GPATCH2: variants seen among roughly 807,000 people sequenced by gnomAD.
GPATCH2 encodes the protein G patch domain-containing protein 2.
GPATCH2 carries 51 observed loss-of-function variants against 58.0 expected under a neutral mutation model. The observed-to-expected ratio is 0.88, with a 90% CI of 0.70 to 1.11. GPATCH2 has a LOEUF of 1.11. Among genes scored for constraint, GPATCH2 ranks in the 50% most tolerant of loss-of-function variants. The probability of loss-of-function intolerance (pLI) is 0.00; values close to 1 mark genes in which losing one functional copy is unlikely to be tolerated. For synonymous variants in GPATCH2, 222 were observed against 218.5 expected, an observed-to-expected ratio of 1.02 and a Z score of -0.14; for missense variants, 625 against 652.2, an observed-to-expected ratio of 0.96 and a Z score of 0.45.
chr1:217,503,422 G>C (rs774878104), intron 6 of GPATCH2, among the ~76,000 whole-genome samples: 7 of 151,930 alleles, frequency 4.6e-5, no homozygotes, highest in Non-Finnish European at 1.0e-4. Flanking sequence ...TTAAAGGGGA[G>C]GTTACAAAAT....
At chr1:217,458,197 T>C (rs371369276) in intron 8 of GPATCH2, among the ~76,000 whole-genome samples, 132 of 152,254 alleles carry the variant, frequency 8.7e-4, no homozygotes, top group African/African-American at 3.1e-3. Context: ...GCCACTGCAC[T>C]CCTGCTTGGG....
rs1659531758 is a variant in GPATCH2 at position 217,449,067 on chromosome 1, TG to T, written c.1366+181del. Among the ~76,000 whole-genome samples, 6 of 103,348 alleles carry T rather than the reference TG, an allele frequency of 5.8e-5. No homozygotes were observed. In the South Asian group the frequency reaches 1.8e-3, roughly 30 times the overall value. The allele number at this position is 103,348 out of a possible 152,430, so 67.8% of individuals were successfully genotyped here. On this transcript the variant is annotated intron_variant, in intron 9 of 9. Coordinates refer to ENST00000366935, the MANE Select transcript of GPATCH2 (RefSeq NM_018040.5). ...CAGGGATGTAACATATACGTTAACC[TG>T]GAAGATCTACACATGGAACATGTAA... is the stretch of plus-strand genomic sequence containing the variant.
chr1:217,610,178 G>C (rs1216805363), intron 5 of GPATCH2, 143 bp downstream of exon 5: 6 of 1,582,754 alleles, frequency 3.8e-6, no homozygotes, highest in African/African-American at 1.4e-5. Flanking sequence ...GAATCTCACT[G>C]GTCCAGTTTG....
At chr1:217,568,663 G>A (rs960450582) in intron 5 of GPATCH2, among the ~76,000 whole-genome samples, 1 of 152,202 alleles carries the variant, frequency 6.6e-6, no homozygotes, top group Non-Finnish European at 1.5e-5. Flanking sequence ...AGTGTTGCTA[G>A]ACAGAAATGA....
intron 5 of GPATCH2, among the ~76,000 whole-genome samples, chr1:217,516,184 G>C (rs1663139307): frequency 6.6e-6 from 1 of 150,766 alleles, no homozygotes; most frequent in Non-Finnish European, 1.5e-5. Context: ...AAATGACAAG[G>C]CATACATTTA....
chr1:217,565,063 G>C (rs145633435), intron 5 of GPATCH2, among the ~76,000 whole-genome samples: 1 of 152,104 alleles, frequency 6.6e-6, no homozygotes, highest in Non-Finnish European at 1.5e-5. Flanking sequence ...TGAATAGGCT[G>C]ATCAACAAAT....
At chr1:217,504,154 T>C (rs1662436806) in intron 6 of GPATCH2, among the ~76,000 whole-genome samples, 1 of 152,012 alleles carries the variant, frequency 6.6e-6, no homozygotes, top group Non-Finnish European at 1.5e-5. Context: ...TAAGGAAAGG[T>C]AGATGGTAGT....
intron 5 of GPATCH2, among the ~76,000 whole-genome samples, chr1:217,593,006 T>A (rs1035644512): frequency 6.6e-6 from 1 of 151,998 alleles, no homozygotes; most frequent in Admixed American, 6.6e-5. Context: ...TTTATGAATC[T>A]GGCCCTTACT....
intron 7 of GPATCH2, chr1:217,498,145 CAG>C: frequency 3.1e-6 from 2 of 640,976 alleles, no homozygotes; most frequent in Non-Finnish European, 5.6e-6. Context: ...TGACTGAAGA[CAG>C]TGGCAGTAAA....
chr1:217,603,034 A>G (rs549578594), intron 5 of GPATCH2, among the ~76,000 whole-genome samples: 1 of 152,288 alleles, frequency 6.6e-6, no homozygotes, highest in East Asian at 1.9e-4. Flanking sequence ...ACATTAATGT[A>G]TATTATAGAT....
chr1:217,506,938 T>C (rs1251474445), intron 6 of GPATCH2, among the ~76,000 whole-genome samples: 1 of 152,220 alleles, frequency 6.6e-6, no homozygotes, highest in African/African-American at 2.4e-5. Context: ...CAAGTTCTTC[T>C]TTAGAGTACT....
chr1:217,613,992 A>T (rs937398660), intron 3 of GPATCH2, 149 bp downstream of exon 3: 16 of 553,904 alleles, frequency 2.9e-5, no homozygotes, highest in Admixed American at 6.2e-5. Flanking sequence ...GCATATAAAA[A>T]ACCAGCTACG....
chr1:217,584,152 T>A (rs1228377939), intron 5 of GPATCH2, among the ~76,000 whole-genome samples: 1 of 151,424 alleles, frequency 6.6e-6, no homozygotes, highest in Non-Finnish European at 1.5e-5. Flanking sequence ...TTGACAAAAC[T>A]AAAAGACTGG....
At chr1:217,564,702 A>G (rs1256849843) in intron 5 of GPATCH2, among the ~76,000 whole-genome samples, 1 of 152,228 alleles carries the variant, frequency 6.6e-6, no homozygotes, top group Non-Finnish European at 1.5e-5. Flanking sequence ...CATGGCTACA[A>G]TCTATTTCAG....
intron 5 of GPATCH2, among the ~76,000 whole-genome samples, chr1:217,601,499 G>A (rs971291624): frequency 5.3e-5 from 8 of 151,426 alleles, no homozygotes; most frequent in South Asian, 2.1e-4. Context: ...TTTGCTATTC[G>A]CAGGCCTATC....
chr1:217,605,828 C>A (rs1930298), intron 5 of GPATCH2, among the ~76,000 whole-genome samples: 152,292 of 152,320 alleles, frequency 1, 76,132 homozygotes, highest in Non-Finnish European at 1. Context: ...ATATCCCACA[C>A]CTGATTCTGG....
chr1:217,600,836 T>C (rs953501640), intron 5 of GPATCH2, among the ~76,000 whole-genome samples: 4 of 152,038 alleles, frequency 2.6e-5, no homozygotes, highest in Admixed American at 2.6e-4. Flanking sequence ...TTTGTTAGGA[T>C]ACAAAAAAGA....
At chr1:217,609,739 TA>T in intron 5 of GPATCH2, 1 of 948,716 alleles carries the variant, frequency 1.1e-6, no homozygotes, top group African/African-American at 1.8e-5. Flanking sequence ...TCATGATTTT[TA>T]TTTACAACAG....
At chr1:217,620,576 C>A in intron 1 of GPATCH2, 77 bp from the exon 2 acceptor site, 3 of 841,468 alleles carry the variant, frequency 3.6e-6, no homozygotes, top group Non-Finnish European at 5.6e-6. Context: ...ACAGACAATT[C>A]ATTCTAAATT....
Sources: gnomAD v4.1 joint callset for allele counts (sites outside exome capture counted in the v4.1 genomes callset) on GRCh38, gnomAD v4.1.1 for gene constraint, MANE v1.5 for transcripts, NCBI Gene and HGNC (gene_info 2026-07-23, HGNC 2026-07-21) for gene names.